The following CSNK1G3 variants were observed in gnomAD, a reference collection of about 807,000 sequenced individuals.
The protein encoded by CSNK1G3 is casein kinase I isoform gamma-3.
Under a neutral mutation model 64.3 loss-of-function variants are expected in CSNK1G3, and 23 were observed. The ratio of observed to expected loss-of-function variants is 0.36; its 90% CI spans 0.26 to 0.51. The LOEUF (loss-of-function observed/expected upper bound fraction) is 0.51. Ranked by LOEUF, CSNK1G3 falls within the 20% of genes least tolerant of loss-of-function variation. The pLI is 0.96. For missense variants in CSNK1G3, 357 were observed against 510.5 expected (o/e 0.70, Z 2.90); for synonymous variants, 158 against 162.2 (o/e 0.97, Z 0.20).
exon 10 of CSNK1G3, chr5:123,591,370 G>A: frequency 1.2e-6 from 2 of 1,610,504 alleles, no homozygotes; most frequent in Non-Finnish European, 1.7e-6. Context: ...ATCAAACAGA[G>A]AAGCACATCA....
intron 1 of CSNK1G3, among the ~76,000 whole-genome samples, chr5:123,513,400 A>G (rs968908915): frequency 6.6e-5 from 10 of 152,050 alleles, no homozygotes. Context: ...TTAGGGAGGA[A>G]AAGTTCAGAT....
intron 4 of CSNK1G3, among the ~76,000 whole-genome samples, chr5:123,568,314 A>G (rs1233866254): frequency 1.3e-5 from 2 of 151,992 alleles, no homozygotes; most frequent in African/African-American, 2.4e-5. Context: ...TTTTGGTGCA[A>G]GTTTGGCTCT....
intron 1 of CSNK1G3, among the ~76,000 whole-genome samples, chr5:123,517,333 G>A (rs755230287): frequency 1.3e-5 from 2 of 152,034 alleles, no homozygotes; most frequent in South Asian, 2.1e-4. Flanking sequence ...AGAAACATTT[G>A]TGTTTGTACC....
In CSNK1G3 at chr5:123,552,547, T is replaced by G. The variant is rs138417164; in HGVS notation, c.179-560T>G. Among the ~76,000 whole-genome samples the G allele has an allele frequency of 3.8e-3, 584 of 152,348 alleles. 3 individuals are homozygous for G. The highest frequency in any genetic ancestry group is 0.013 in the African/African-American group (537 of 41,578). On this transcript the variant is annotated intron_variant, in intron 2 of 12. Transcript: ENST00000345990. ...TCAAGATATTTGGAATTAATTTTGT[T>G]GTAAGGTGAGGCACCAGTAACTATT...
chr5:123,573,606 T>C, intron 5 of CSNK1G3, 65 bp downstream of exon 5: 1 of 1,400,370 alleles, frequency 7.1e-7, no homozygotes, highest in Non-Finnish European at 9.7e-7. Context: ...CAAATTCATA[T>C]TAAAAGTTTA....
intron 4 of CSNK1G3, among the ~76,000 whole-genome samples, chr5:123,572,696 C>T (rs1273555726): frequency 6.6e-6 from 1 of 152,202 alleles, no homozygotes; most frequent in Non-Finnish European, 1.5e-5. Context: ...GTGGCTCCCT[C>T]CACTGCATGG....
chr5:123,571,209 G>A (rs1028954141), intron 4 of CSNK1G3, among the ~76,000 whole-genome samples: 4 of 152,140 alleles, frequency 2.6e-5, no homozygotes, highest in African/African-American at 9.7e-5. Flanking sequence ...TTTCTGGGGA[G>A]GGCACCATGT....
chr5:123,540,946 A>G (rs1013094841), intron 1 of CSNK1G3, among the ~76,000 whole-genome samples: 2 of 152,182 alleles, frequency 1.3e-5, no homozygotes, highest in African/African-American at 2.4e-5. Flanking sequence ...ATTTAATTCT[A>G]TTTTGACTAA....
At chr5:123,533,331 C>T (rs1421422049) in intron 1 of CSNK1G3, among the ~76,000 whole-genome samples, 1 of 151,764 alleles carries the variant, frequency 6.6e-6, no homozygotes, top group Non-Finnish European at 1.5e-5. Context: ...GGACTTTTAT[C>T]TTGCATTTTT....
At chr5:123,572,429 A>G (rs1337198886) in intron 4 of CSNK1G3, among the ~76,000 whole-genome samples, 1 of 152,196 alleles carries the variant, frequency 6.6e-6, no homozygotes, top group Non-Finnish European at 1.5e-5. Flanking sequence ...TTCATAATGA[A>G]TTATTACTAT....
chr5:123,556,969 A>G (rs1384540862), intron 3 of CSNK1G3, among the ~76,000 whole-genome samples: 1 of 152,138 alleles, frequency 6.6e-6, no homozygotes. Flanking sequence ...TGTGGTGGTT[A>G]TAGGGATATA....
In CSNK1G3 at chr5:123,591,561, TA is replaced by T. The variant is rs912862090; in HGVS notation, c.1086+149del. On this transcript the variant is annotated intron_variant, in intron 10 of 12. Coordinates refer to ENST00000345990, the Ensembl canonical transcript of CSNK1G3. ...CTCTTAATTTCACTGTTTATTAGTTTAATAATAGCATTAAAATGTTTAATCA... is the reference window on the plus strand; with the variant it reads ...CTCTTAATTTCACTGTTTATTAGTTTATAATAGCATTAAAATGTTTAATCA... The T allele has an allele frequency of 1.5e-5, 8 of 535,846 alleles. No homozygotes were observed. The African/African-American group carries it at 1.6e-4, about 11-fold the overall frequency. 33.2% of individuals were successfully genotyped at this position (535,846 alleles called of 1,614,324 possible). A position where few individuals can be genotyped will look rare whatever the true frequency, so the allele number is the denominator to read the frequency against.
chr5:123,575,876 G>C, exon 6 of CSNK1G3: 1 of 1,613,532 alleles, frequency 6.2e-7, no homozygotes, highest in Non-Finnish European at 8.5e-7. Flanking sequence ...TATTGATCCG[G>C]AGACAAAGAA....
intron 4 of CSNK1G3, among the ~76,000 whole-genome samples, chr5:123,568,699 C>A (rs1205295478): frequency 6.6e-6 from 1 of 152,164 alleles, no homozygotes; most frequent in African/African-American, 2.4e-5. Context: ...CTTCAAGGCT[C>A]TTGTCTCCTT....
rs188428245 is a variant in CSNK1G3, at chr5:123,599,194, A to G, written c.1087-5530A>G. ...AAGCAAAGGGAAAAAGACAAACATT[A>G]AGGACACTGCTGGAAAACTATTTTA... On this transcript the variant is annotated intron_variant, in intron 10 of 12. Transcript: ENST00000345990. Among the ~76,000 whole-genome samples, 11 of 152,338 alleles carry G rather than the reference A, an allele frequency of 7.2e-5. No individual in the cohort carries two copies. The East Asian group carries it at 1.7e-3, about 24-fold the overall frequency.
chr5:123,554,101 C>A (rs1784177717), intron 3 of CSNK1G3, among the ~76,000 whole-genome samples: 1 of 152,076 alleles, frequency 6.6e-6, no homozygotes. Flanking sequence ...TAGAAAAACT[C>A]CACTATTTAA....
intron 10 of CSNK1G3, among the ~76,000 whole-genome samples, chr5:123,601,270 A>G (rs1036866913): frequency 1.2e-4 from 18 of 151,978 alleles, no homozygotes; most frequent in African/African-American, 4.4e-4. Context: ...TCTTTGTAAA[A>G]CCCTTTTGCA....
chr5:123,542,849 A>AGTGTGTGTGTGTGTGTGTGTGTGTGT (rs66645709), intron 1 of CSNK1G3, among the ~76,000 whole-genome samples: 1 of 134,848 alleles, frequency 7.4e-6, no homozygotes, highest in African/African-American at 2.8e-5. Flanking sequence ...GCCTAGATTT[A>AGTGTGTGTGTGTGTGTGTGTGTGTGT]GTGTGTGTGT....
rs1792315133 is a variant in CSNK1G3, at chr5:123,591,311, T to C, written c.991-8T>C. ...AATGTATTGATACCAATTGTTATTGTATTGTAGCCTACTCCAGTGGGTGCA... is the reference window on the plus strand; with the variant it reads ...AATGTATTGATACCAATTGTTATTGCATTGTAGCCTACTCCAGTGGGTGCA... On this transcript the variant is annotated splice_region_variant and splice_polypyrimidine_tract_variant and intron_variant, in intron 9 of 12. Transcript: ENST00000345990. 2 of 1,560,846 alleles carry C rather than the reference T, an allele frequency of 1.3e-6. No homozygotes were observed. Among genetic ancestry groups the C allele is most frequent in the African/African-American group, 2.8e-5 (2 of 72,668 alleles).
Sources: gnomAD v4.1 joint callset for allele counts (sites outside exome capture counted in the v4.1 genomes callset) on GRCh38, gnomAD v4.1.1 for gene constraint, MANE v1.5 for transcripts, NCBI Gene and HGNC (gene_info 2026-07-23, HGNC 2026-07-21) for gene names.